Variants in ENOX1 observed in about 807,000 individuals in gnomAD.
ENOX1 encodes ecto-NOX disulfide-thiol exchanger 1, also known as candidate growth-related and time keeping constitutive hydroquinone (NADH) oxidase.
ENOX1 carries 42 observed loss-of-function variants against 82.5 expected under a neutral mutation model. The ratio of observed to expected loss-of-function variants is 0.51; its 90% confidence interval spans 0.40 to 0.66. The LOEUF is 0.66. Ranked by LOEUF, ENOX1 falls within the 30% of genes least tolerant of loss-of-function variation. The pLI is 0.00. For synonymous variants in ENOX1, 271 were observed against 282.2 expected (o/e 0.96, Z 0.40); for missense variants, 608 against 811.6 (o/e 0.75, Z 3.05).
intron 1 of ENOX1, among the ~76,000 whole-genome samples, chr13:43,675,260 G>A (rs141087314): frequency 1.4e-4 from 21 of 152,318 alleles, no homozygotes; most frequent in African/African-American, 4.6e-4. Context: ...GACAGGACTG[G>A]TGATGGACAG....
At chr13:43,491,852 C>T (rs1370221105) in intron 2 of ENOX1, among the ~76,000 whole-genome samples, 2 of 152,176 alleles carry the variant, frequency 1.3e-5, no homozygotes, top group African/African-American at 4.8e-5. Context: ...AAAGAACTTA[C>T]AAGGGCTCCC....
chr13:43,552,301 T>C (rs142318600), intron 2 of ENOX1, among the ~76,000 whole-genome samples: 1 of 144,620 alleles, frequency 6.9e-6, no homozygotes. Flanking sequence ...CTCTAGGAGA[T>C]AAACAGTACT....
chr13:43,719,764 T>A (rs1041528938), intron 1 of ENOX1, among the ~76,000 whole-genome samples: 2 of 152,134 alleles, frequency 1.3e-5, no homozygotes, highest in Admixed American at 1.3e-4. Flanking sequence ...CTTTTGGCTA[T>A]GGAGCTTTTT....
intron 11 of ENOX1, among the ~76,000 whole-genome samples, chr13:43,306,446 C>A (rs775775287): frequency 1.3e-5 from 2 of 152,080 alleles, no homozygotes; most frequent in African/African-American, 2.4e-5. Context: ...TTTAAAGATT[C>A]TTTTTTAGGA....
intron 14 of ENOX1, among the ~76,000 whole-genome samples, chr13:43,238,963 G>A (rs1173851198): frequency 1.3e-5 from 2 of 152,266 alleles, no homozygotes; most frequent in African/African-American, 4.8e-5. Context: ...CAGACCACCT[G>A]AGAATGCTGT....
chr13:43,444,474 T>C (rs186027050), intron 3 of ENOX1, among the ~76,000 whole-genome samples: 1 of 152,214 alleles, frequency 6.6e-6, no homozygotes, highest in Admixed American at 6.5e-5. Context: ...TTCTGGGACA[T>C]CCCTTGTCTT....
intron 1 of ENOX1, among the ~76,000 whole-genome samples, chr13:43,726,449 T>A (rs918986360): frequency 2.6e-5 from 4 of 152,102 alleles, no homozygotes; most frequent in Non-Finnish European, 5.9e-5. Context: ...ACTCCTGACC[T>A]CAAGTGATCT....
At chr13:43,420,228 G>A (rs146586300) in intron 3 of ENOX1, among the ~76,000 whole-genome samples, 11 of 152,280 alleles carry the variant, frequency 7.2e-5, no homozygotes, top group African/African-American at 2.6e-4. Flanking sequence ...TGTGAAGTAG[G>A]TATGCTTATG....
chr13:43,674,758 T>C (rs2085428530), intron 1 of ENOX1, among the ~76,000 whole-genome samples: 1 of 152,178 alleles, frequency 6.6e-6, no homozygotes, highest in South Asian at 2.1e-4. Flanking sequence ...TGATGTGTCA[T>C]CACAGGTTCA....
At chr13:43,301,288 T>G (rs990550222) in intron 11 of ENOX1, among the ~76,000 whole-genome samples, 1 of 152,222 alleles carries the variant, frequency 6.6e-6, no homozygotes, top group Non-Finnish European at 1.5e-5. Context: ...AATTGCATAG[T>G]CTGCAAGATA....
chr13:43,377,991 C>T (rs1474431297), intron 5 of ENOX1, among the ~76,000 whole-genome samples: 1 of 152,152 alleles, frequency 6.6e-6, no homozygotes, highest in Non-Finnish European at 1.5e-5. Context: ...ATTTAGGCAT[C>T]ATTGTTGCCC....
intron 1 of ENOX1, among the ~76,000 whole-genome samples, chr13:43,744,710 G>A (rs1181681037): frequency 6.6e-6 from 1 of 152,182 alleles, no homozygotes; most frequent in African/African-American, 2.4e-5. Flanking sequence ...ATTAAAGTAT[G>A]TTTATACAGG....
chr13:43,646,389 C>G (rs751506219), intron 2 of ENOX1, among the ~76,000 whole-genome samples: 1 of 152,202 alleles, frequency 6.6e-6, no homozygotes, highest in Non-Finnish European at 1.5e-5. Context: ...ATTTTTACTC[C>G]TCCCTCTAAA....
chr13:43,478,790 T>C (rs2058393253), intron 3 of ENOX1, among the ~76,000 whole-genome samples: 1 of 152,182 alleles, frequency 6.6e-6, no homozygotes, highest in Admixed American at 6.5e-5. Flanking sequence ...ATTCATGAAT[T>C]CTTCTCATTT....
At chr13:43,399,780 C>T (rs1406582110) in intron 5 of ENOX1, among the ~76,000 whole-genome samples, 5 of 152,104 alleles carry the variant, frequency 3.3e-5, no homozygotes, top group African/African-American at 1.2e-4. Context: ...GACAGTTCCT[C>T]AATGTTGAAG....
intron 2 of ENOX1, among the ~76,000 whole-genome samples, chr13:43,649,826 G>C (rs1012184640): frequency 6.6e-6 from 1 of 152,116 alleles, no homozygotes; most frequent in Admixed American, 6.5e-5. Context: ...TTGTATTTAA[G>C]GCAACAGCCT....
chr13:43,319,300 C>A (rs1415511660), intron 11 of ENOX1, among the ~76,000 whole-genome samples: 1 of 151,990 alleles, frequency 6.6e-6, no homozygotes, highest in Admixed American at 6.5e-5. Context: ...CTTTAAGATT[C>A]AACTGATCAA....
At chr13:43,616,204 A>ATATATATATAT (rs1457149422) in intron 2 of ENOX1, among the ~76,000 whole-genome samples, 2 of 15,316 alleles carry the variant, frequency 1.3e-4, no homozygotes, top group South Asian at 5.7e-3. Context: ...ATATATATAT[A>ATATATATATAT]TTTTTTTTTT....
intron 1 of ENOX1, among the ~76,000 whole-genome samples, chr13:43,726,016 A>G (rs1171652836): frequency 6.6e-6 from 1 of 151,996 alleles, no homozygotes; most frequent in Non-Finnish European, 1.5e-5. Flanking sequence ...AACCAGATAC[A>G]GTCTCAGGAG....
Sources: allele counts gnomAD v4.1 joint callset (sites outside exome capture counted in the v4.1 genomes callset), GRCh38; gene constraint gnomAD v4.1.1; transcripts MANE v1.5; gene names NCBI Gene and HGNC (gene_info 2026-07-23, HGNC 2026-07-21).